GHR: variants seen among roughly 807,000 people sequenced by gnomAD.
GHR encodes the protein GH receptor.
A neutral mutation model predicts 67.1 loss-of-function variants in GHR; 35 were observed. That is an observed-to-expected ratio of 0.52 (90% CI 0.40 to 0.69). The LOEUF (loss-of-function observed/expected upper bound fraction) is 0.69, where lower values mean the gene tolerates loss of function less well. Ranked by LOEUF, GHR falls within the 30% of genes least tolerant of loss-of-function variation. The probability of loss-of-function intolerance (pLI) is 0.00; values close to 1 mark genes in which losing one functional copy is unlikely to be tolerated. For missense variants in GHR, 792 were observed against 764.6 expected (o/e 1.04, Z -0.42); for synonymous variants, 272 against 269.1 (o/e 1.01, Z -0.10).
At chr5:42,642,932 A>G (rs1426727798) in intron 3 of GHR, among the ~76,000 whole-genome samples, 3 of 152,066 alleles carry the variant, frequency 2.0e-5, no homozygotes, top group African/African-American at 7.2e-5. Flanking sequence ...GACCTTCCCT[A>G]TGTCTGCGAT....
intron 1 of GHR, among the ~76,000 whole-genome samples, chr5:42,543,332 T>C (rs1748598340): frequency 6.6e-6 from 1 of 152,170 alleles, no homozygotes; most frequent in Admixed American, 6.5e-5. Flanking sequence ...TTTTTGTCTT[T>C]TTATAATGGC....
intron 2 of GHR, among the ~76,000 whole-genome samples, chr5:42,586,700 G>C (rs1751494048): frequency 6.6e-6 from 1 of 152,188 alleles, no homozygotes; most frequent in African/African-American, 2.4e-5. Flanking sequence ...GCTTTTGGGT[G>C]TCTTTCCAGA....
intron 4 of GHR, 149 bp from the exon 5 acceptor site, chr5:42,694,768 A>T: frequency 1.4e-6 from 1 of 704,152 alleles, no homozygotes; most frequent in African/African-American, 1.7e-5. Context: ...CACTGATGTG[A>T]TATGTCTCGG....
At chr5:42,651,357 T>C (rs1228297710) in intron 3 of GHR, among the ~76,000 whole-genome samples, 1 of 152,170 alleles carries the variant, frequency 6.6e-6, no homozygotes, top group Non-Finnish European at 1.5e-5. Context: ...AAGGCTGAGC[T>C]AAGTTATAAA....
intron 2 of GHR, among the ~76,000 whole-genome samples, chr5:42,604,423 C>A (rs1193705379): frequency 6.6e-6 from 1 of 152,180 alleles, no homozygotes; most frequent in African/African-American, 2.4e-5. Flanking sequence ...GGGGCAGGAC[C>A]TTTTTTGAAA....
chr5:42,476,982 T>G (rs923970965), intron 1 of GHR, among the ~76,000 whole-genome samples: 1 of 151,894 alleles, frequency 6.6e-6, no homozygotes, highest in African/African-American at 2.4e-5. Flanking sequence ...GCTGCACCCA[T>G]TAACTCGTCA....
chr5:42,537,281 G>A (rs1202477379), intron 1 of GHR, among the ~76,000 whole-genome samples: 1 of 151,982 alleles, frequency 6.6e-6, no homozygotes, highest in Non-Finnish European at 1.5e-5. Flanking sequence ...CAGTCTTTTT[G>A]ACATAGGTGT....
chr5:42,621,653 GATGTATTTAAACATGTGCTTTTTTAA>G (rs1218625947), intron 2 of GHR, among the ~76,000 whole-genome samples: 1 of 152,194 alleles, frequency 6.6e-6, no homozygotes, highest in Non-Finnish European at 1.5e-5. Context: ...GGCTACTGCA[GATGTATTTAAACATGTGCTTTTTTAA>G]ATGACACTGG....
chr5:42,435,320 T>A (rs1039857254), intron 1 of GHR, among the ~76,000 whole-genome samples: 3 of 152,172 alleles, frequency 2.0e-5, no homozygotes, highest in Non-Finnish European at 2.9e-5. Context: ...TATTGTCACA[T>A]AGTAAAAATG....
chr5:42,479,290 T>G (rs1745495148), intron 1 of GHR, among the ~76,000 whole-genome samples: 1 of 152,188 alleles, frequency 6.6e-6, no homozygotes, highest in Non-Finnish European at 1.5e-5. Flanking sequence ...GGTTTGCCAG[T>G]ATTTTATTGA....
chr5:42,443,958 G>GATAGATATAGATATAGATATAGAT (rs71608646), intron 1 of GHR, among the ~76,000 whole-genome samples: 39 of 148,178 alleles, frequency 2.6e-4, no homozygotes, highest in African/African-American at 9.1e-4. Flanking sequence ...TATAGATATA[G>GATAGATATAGATATAGATATAGAT]ATAGATATAG....
At chr5:42,506,223 A>G (rs774525873) in intron 1 of GHR, among the ~76,000 whole-genome samples, 10 of 152,198 alleles carry the variant, frequency 6.6e-5, no homozygotes, top group Non-Finnish European at 1.3e-4. Context: ...ATTATGTAGT[A>G]TTATGTAGTT....
intron 3 of GHR, chr5:42,646,243 C>G (rs1580118753): frequency 5.0e-6 from 2 of 402,438 alleles, no homozygotes; most frequent in South Asian, 3.8e-5. Context: ...TGTCATAGGA[C>G]TAGAAGTTGA....
intron 1 of GHR, among the ~76,000 whole-genome samples, chr5:42,551,599 C>T (rs748507707): frequency 1.3e-5 from 2 of 152,188 alleles, no homozygotes; most frequent in African/African-American, 4.8e-5. Flanking sequence ...GAGTAACCAA[C>T]TGGGTGAACC....
chr5:42,516,661 T>C (rs1747251999), intron 1 of GHR, among the ~76,000 whole-genome samples: 1 of 152,206 alleles, frequency 6.6e-6, no homozygotes, highest in African/African-American at 2.4e-5. Context: ...TGGAAGAATC[T>C]CAAATAGAAA....
chr5:42,719,871 C>A lies in GHR; in HGVS notation c.*447C>A. 5.8e-6 allele frequency: 1 copy of A among 173,476 alleles called. No homozygotes were observed. The highest frequency in any genetic ancestry group is 1.5e-4 in the South Asian group (1 of 6,658). The allele number at this position is 173,476 out of a possible 1,614,324, so 10.7% of individuals were successfully genotyped here. ...ATAAGAAACTTTTTTATTTAAAAAA[C>A]TAAAAACTAGAGGTGAGAAATTTAA... is the stretch of plus-strand genomic sequence containing the variant. On this transcript the variant is annotated 3_prime_UTR_variant, in exon 10 of 10. Transcript: ENST00000230882.
intron 1 of GHR, among the ~76,000 whole-genome samples, chr5:42,432,914 A>G (rs562563384): frequency 1.8e-4 from 27 of 152,368 alleles, no homozygotes; most frequent in Admixed American, 3.3e-4. Context: ...CTTAATATGT[A>G]GTAAAACATA....
chr5:42,620,034 C>T (rs562579223), intron 2 of GHR, among the ~76,000 whole-genome samples: 18 of 152,222 alleles, frequency 1.2e-4, no homozygotes, highest in Middle Eastern at 3.4e-3. Flanking sequence ...TGCATTCACG[C>T]GGGTGACAGT....
At chr5:42,650,259 G>C (rs536364864) in intron 3 of GHR, among the ~76,000 whole-genome samples, 2 of 152,218 alleles carry the variant, frequency 1.3e-5, no homozygotes, top group African/African-American at 4.8e-5. Context: ...GAAAGCAGCA[G>C]TGACACTGAA....
Sources: gnomAD v4.1 joint callset for allele counts (sites outside exome capture counted in the v4.1 genomes callset) on GRCh38, gnomAD v4.1.1 for gene constraint, MANE v1.5 for transcripts, NCBI Gene and HGNC (gene_info 2026-07-23, HGNC 2026-07-21) for gene names.